The following AFAP1L2 variants were observed in gnomAD, a reference collection of about 807,000 sequenced individuals.
AFAP1L2 encodes actin filament-associated protein 1-like 2.
Under a neutral mutation model 99.3 loss-of-function variants are expected in AFAP1L2, and 46 were observed. That is an observed-to-expected ratio of 0.46 (90% CI 0.37 to 0.59). AFAP1L2 has a LOEUF of 0.59. Ranked by LOEUF, AFAP1L2 falls within the 20% of genes least tolerant of loss-of-function variation. AFAP1L2 has a pLI of 0.00. For missense variants in AFAP1L2, 959 were observed against 1,034.9 expected (o/e 0.93, Z 1.01); for synonymous variants, 397 against 419.1 (o/e 0.95, Z 0.64).
At chr10:114,296,134 C>T in intron 18 of AFAP1L2, 66 bp from the exon 19 acceptor site, 1 of 1,604,772 alleles carries the variant, frequency 6.2e-7, no homozygotes, top group Non-Finnish European at 8.5e-7. Context: ...TCCACTGTAG[C>T]AACCTTGATA....
Position 114,315,731 on chromosome 10 carries a change from G to A in AFAP1L2, c.441C>T (p.Ser147=), listed in dbSNP as rs1253227434. Reference sequence around the variant, plus strand: ...CCTTGCTGCCGTCCTCTTCATCGTAGGACTCGTAGGAGCTGCTCACAGCCT... The same window carrying A: ...CCTTGCTGCCGTCCTCTTCATCGTAAGACTCGTAGGAGCTGCTCACAGCCT... The part of the protein sequence containing the change: ...DGEAVSSSYE[S]YDEEDGSKGK... Residue 147 remains serine (S), a synonymous_variant, in exon 6 of 19, where the codon TCC becomes TCT. Transcript: ENST00000304129. 6.2e-6 allele frequency: 10 copies of A among 1,613,078 alleles called. No homozygotes were observed. The highest frequency in any genetic ancestry group is 8.5e-6 in the Non-Finnish European group (10 of 1,179,918).
chr10:114,310,959 A>ACCCC (rs138424456), intron 7 of AFAP1L2, among the ~76,000 whole-genome samples: 19 of 96,906 alleles, frequency 2.0e-4, no homozygotes, highest in East Asian at 3.6e-4. Context: ...GCCGCCACCC[A>ACCCC]CCCGCCCGCC....
intron 1 of AFAP1L2, among the ~76,000 whole-genome samples, chr10:114,387,193 G>A (rs1238744042): frequency 2.0e-5 from 3 of 152,180 alleles, no homozygotes; most frequent in Non-Finnish European, 4.4e-5. Flanking sequence ...ATGCAATGGT[G>A]GAGAGTCATC....
chr10:114,352,300 C>T (rs2050631251), intron 1 of AFAP1L2, among the ~76,000 whole-genome samples: 1 of 151,832 alleles, frequency 6.6e-6, no homozygotes, highest in African/African-American at 2.4e-5. Flanking sequence ...TGGTGAAACC[C>T]CGTCTCTACT....
chr10:114,294,746 G>A (rs905832734), downstream of AFAP1L2: 2 of 856,976 alleles, frequency 2.3e-6, no homozygotes, highest in Admixed American at 1.2e-4. Context: ...GTAGTTCAGT[G>A]TGTAAATAAC....
At chr10:114,396,580 TGCCAAAAACAAAAA>T (rs947076504) in intron 1 of AFAP1L2, among the ~76,000 whole-genome samples, 4 of 152,360 alleles carry the variant, frequency 2.6e-5, no homozygotes, top group South Asian at 4.1e-4. Context: ...CAAGCAGGAC[TGCCAAAAACAAAAA>T]GTCAACCAGG....
chr10:114,313,588 C>T (rs2043610278), intron 7 of AFAP1L2, among the ~76,000 whole-genome samples: 1 of 152,146 alleles, frequency 6.6e-6, no homozygotes, highest in African/African-American at 2.4e-5. Context: ...ATGGCAGCGA[C>T]ATGTATTCTT....
intron 8 of AFAP1L2, among the ~76,000 whole-genome samples, chr10:114,310,121 T>C (rs1232573394): frequency 6.6e-6 from 1 of 152,088 alleles, no homozygotes; most frequent in Non-Finnish European, 1.5e-5. Flanking sequence ...AAGGCACGGT[T>C]TCACCATGTT....
chr10:114,290,384 C>T (rs2039457005), downstream of AFAP1L2: 1 of 1,550,176 alleles, frequency 6.5e-7, no homozygotes. Flanking sequence ...AGCTCTTGCT[C>T]TGTATGTGTG....
In AFAP1L2 at chr10:114,307,992, A is replaced by C. The variant is rs557504834; in HGVS notation, c.968-83T>G. 255 of 1,167,028 alleles carry C rather than the reference A, an allele frequency of 2.2e-4. No homozygotes were observed. In the African/African-American group the frequency reaches 3.5e-3, roughly 16 times the overall value. The allele number at this position is 1,167,028 out of a possible 1,614,324, so 72.3% of individuals were successfully genotyped here. A position where few individuals can be genotyped will look rare whatever the true frequency, so the allele number is the denominator to read the frequency against. ...GAGAGATGGAAAAAATAGCAAACCC[A>C]TTTCCACTCCATCCACCCATCCCTC... On this transcript the variant is annotated intron_variant, in intron 9 of 18. Coordinates refer to ENST00000304129, the MANE Select transcript of AFAP1L2 (RefSeq NM_001001936.3).
intron 8 of AFAP1L2, among the ~76,000 whole-genome samples, chr10:114,309,736 C>A (rs2042933948): frequency 6.6e-6 from 1 of 152,194 alleles, no homozygotes; most frequent in African/African-American, 2.4e-5. Flanking sequence ...GGAAGTGCCT[C>A]ATAAAATCAA....
At chr10:114,383,459 T>C (rs2056005368) in intron 1 of AFAP1L2, among the ~76,000 whole-genome samples, 2 of 152,154 alleles carry the variant, frequency 1.3e-5, no homozygotes, top group South Asian at 2.1e-4. Context: ...CTGGAGAGTG[T>C]AACACATCCC....
At position 114,300,825 on chromosome 10, in the gene AFAP1L2, G is replaced by C. The variant is rs1005722297; in HGVS notation, c.1543-135C>G. The C allele has an allele frequency of 1.4e-5, 17 of 1,238,322 alleles. No homozygotes were observed. The African/African-American group carries it at 2.3e-4, about 16-fold the overall frequency. The allele number at this position is 1,238,322 out of a possible 1,614,324, so 76.7% of individuals were successfully genotyped here. ...AGAGATCTCCCTCCCTGCTGGGGGG[G>C]CCACTGGCTGAGTCCTAGATATGTC... On this transcript the variant is annotated intron_variant, in intron 13 of 18. Coordinates refer to ENST00000304129, the MANE Select transcript of AFAP1L2 (RefSeq NM_001001936.3).
the AFAP1L2 span, chr10:114,282,537 C>T: frequency 6.2e-7 from 1 of 1,614,058 alleles, no homozygotes. Flanking sequence ...TGTTCCTAAC[C>T]CACCCTGCCA....
At chr10:114,393,191 C>G (rs2057334707) in intron 1 of AFAP1L2, among the ~76,000 whole-genome samples, 3 of 152,296 alleles carry the variant, frequency 2.0e-5, no homozygotes, top group Non-Finnish European at 4.4e-5. Context: ...ATTCCCAACT[C>G]TATTGCTAGG....
Position 114,386,710 on chromosome 10 carries a change from G to A in AFAP1L2, c.16+17730C>T, listed in dbSNP as rs369387711. Among the ~76,000 whole-genome samples, 445 of 152,306 alleles carry A rather than the reference G, an allele frequency of 2.9e-3. 2 individuals carry two copies. The highest frequency in any genetic ancestry group is 0.014 in the Middle Eastern group (4 of 294). The stretch of plus-strand genomic sequence containing the variant: ...TCCTTAGGCCCAGCAGGCCCTCCTG[G>A]CCAGGCTAAGGAATCAGCAGCCAGG... On this transcript the variant is annotated intron_variant, in intron 1 of 18. Coordinates refer to ENST00000304129, the MANE Select transcript of AFAP1L2 (RefSeq NM_001001936.3).
chr10:114,331,564 GCA>G (rs2047236474), intron 4 of AFAP1L2, among the ~76,000 whole-genome samples: 2 of 152,160 alleles, frequency 1.3e-5, no homozygotes, highest in Admixed American at 1.3e-4. Context: ...GCGTCAGGTG[GCA>G]CTCAATCAAA....
rs748962627 is a variant in AFAP1L2 at position 114,297,216 on chromosome 10, T to G, written c.2307+4A>C. 1 of 1,380,236 alleles carries G rather than the reference T, an allele frequency of 7.2e-7. No individual in the cohort carries two copies. The highest frequency in any genetic ancestry group is 9.7e-7 in the Non-Finnish European group (1 of 1,032,918). The allele number at this position is 1,380,236 out of a possible 1,614,324, so 85.5% of individuals were successfully genotyped here. On this transcript the variant is annotated splice_donor_region_variant and intron_variant, in intron 17 of 18. Coordinates refer to ENST00000304129, the MANE Select transcript of AFAP1L2 (RefSeq NM_001001936.3). ...AGCCCAGAGGCCGCAGTTCCAGCAC[T>G]CACGCGGGGGCTCACATTCTCCAGG...
chr10:114,286,810 C>T, the AFAP1L2 span, among the ~76,000 whole-genome samples: 2 of 152,148 alleles, frequency 1.3e-5, no homozygotes, highest in Non-Finnish European at 2.9e-5. Context: ...TTCTTAATCA[C>T]GATTTTATTG....
Sources: allele counts gnomAD v4.1 joint callset (sites outside exome capture counted in the v4.1 genomes callset), GRCh38; gene constraint gnomAD v4.1.1; transcripts MANE v1.5; gene names NCBI Gene and HGNC (gene_info 2026-07-23, HGNC 2026-07-21).